DLG2: variants seen among roughly 807,000 people sequenced by gnomAD.
DLG2 encodes the protein discs large MAGUK scaffold protein 2.
DLG2 carries 45 observed loss-of-function variants against 132.5 expected under a neutral mutation model. The ratio of observed to expected loss-of-function variants is 0.34; its 90% confidence interval spans 0.27 to 0.44. The LOEUF is 0.44. Ranked by LOEUF, DLG2 falls within the 20% of genes least tolerant of loss-of-function variation. The pLI is 1.00. For synonymous variants in DLG2, 424 were observed against 419.6 expected (o/e 1.01, Z -0.13); for missense variants, 1,045 against 1,196.9 (o/e 0.87, Z 1.87).
intron 3 of DLG2, among the ~76,000 whole-genome samples, chr11:85,556,883 A>G (rs1300041163): frequency 1.3e-5 from 2 of 151,900 alleles, no homozygotes; most frequent in Non-Finnish European, 2.9e-5. Context: ...AATATATGTC[A>G]TTAGATGATT....
chr11:84,843,190 G>A (rs1326905281), intron 6 of DLG2, among the ~76,000 whole-genome samples: 1 of 151,742 alleles, frequency 6.6e-6, no homozygotes, highest in Non-Finnish European at 1.5e-5. Context: ...CTTGATTATG[G>A]TGATGGTTTC....
At chr11:85,542,055 A>G (rs2076006626) in intron 3 of DLG2, among the ~76,000 whole-genome samples, 1 of 152,226 alleles carries the variant, frequency 6.6e-6, no homozygotes, top group Admixed American at 6.5e-5. Flanking sequence ...TTTATTTACA[A>G]CAACTCCAGA....
At chr11:85,487,862 A>G in intron 3 of DLG2, among the ~76,000 whole-genome samples, 1 of 152,184 alleles carries the variant, frequency 6.6e-6, no homozygotes, top group Non-Finnish European at 1.5e-5. Context: ...GCACATTATA[A>G]TCAGACTGTC....
intron 22 of DLG2, among the ~76,000 whole-genome samples, chr11:83,479,757 A>T (rs2092947333): frequency 6.6e-6 from 1 of 152,126 alleles, no homozygotes; most frequent in African/African-American, 2.4e-5. Context: ...ATCTAAGAAG[A>T]CTTGGTCACA....
At chr11:84,403,111 C>T (rs1353719090) in intron 7 of DLG2, among the ~76,000 whole-genome samples, 1 of 151,916 alleles carries the variant, frequency 6.6e-6, no homozygotes, top group Non-Finnish European at 1.5e-5. Context: ...AAGATATCCT[C>T]TATCAGTAGG....
At chr11:84,918,171 G>GA (rs1322966619) in intron 6 of DLG2, among the ~76,000 whole-genome samples, 9 of 152,010 alleles carry the variant, frequency 5.9e-5, no homozygotes, top group African/African-American at 1.7e-4. Context: ...AAACTGTAAG[G>GA]AAAAAATCAA....
At chr11:83,675,959 A>G (rs1264947548) in intron 18 of DLG2, among the ~76,000 whole-genome samples, 3 of 152,174 alleles carry the variant, frequency 2.0e-5, no homozygotes, top group East Asian at 1.9e-4. Context: ...ACATTTGTAC[A>G]TTATGTATTG....
intron 18 of DLG2, among the ~76,000 whole-genome samples, chr11:83,692,520 T>C (rs2081166331): frequency 1.3e-5 from 2 of 152,120 alleles, no homozygotes; most frequent in Admixed American, 1.3e-4. Flanking sequence ...CTAATAGTTA[T>C]GGGGTTTCTT....
intron 6 of DLG2, among the ~76,000 whole-genome samples, chr11:84,904,254 C>T (rs1201075775): frequency 2.0e-5 from 3 of 152,258 alleles, no homozygotes; most frequent in Admixed American, 2.0e-4. Context: ...TATATTCTAC[C>T]TACTGTGTAA....
At chr11:83,938,081 G>T (rs1347357292) in intron 14 of DLG2, among the ~76,000 whole-genome samples, 1 of 152,178 alleles carries the variant, frequency 6.6e-6, no homozygotes, top group Non-Finnish European at 1.5e-5. Context: ...AAAATGTCCA[G>T]CAAAAGAAGG....
chr11:85,267,771 T>C (rs2077303420), intron 4 of DLG2, among the ~76,000 whole-genome samples: 1 of 152,216 alleles, frequency 6.6e-6, no homozygotes, highest in African/African-American at 2.4e-5. Context: ...AAGGAAATCA[T>C]ATTTAAAATA....
chr11:83,780,580 A>C (rs189003451), intron 18 of DLG2, among the ~76,000 whole-genome samples: 1 of 152,148 alleles, frequency 6.6e-6, no homozygotes, highest in African/African-American at 2.4e-5. Flanking sequence ...CTTCATCCCA[A>C]CTCACTGCTT....
At position 83,782,475 on chromosome 11, in the gene DLG2, T is replaced by C. The variant is rs144382725; in HGVS notation, c.1825+4215A>G. Among the ~76,000 whole-genome samples, 69 of 152,230 alleles carry C rather than the reference T, an allele frequency of 4.5e-4. No individual in the cohort carries two copies. In the East Asian group the frequency reaches 0.013, roughly 29 times the overall value. On this transcript the variant is annotated intron_variant, in intron 18 of 27. Coordinates refer to ENST00000376104, the MANE Select transcript of DLG2 (RefSeq NM_001142699.3). Reference sequence around the variant, plus strand: ...CTGTCATAATGGGCACACCAGGTGTTTACATACAGTTTTGGGGAACTCAGA... The same window carrying C: ...CTGTCATAATGGGCACACCAGGTGTCTACATACAGTTTTGGGGAACTCAGA...
chr11:83,614,650 G>T (rs1029439489), intron 19 of DLG2, among the ~76,000 whole-genome samples: 1 of 152,060 alleles, frequency 6.6e-6, no homozygotes, highest in Non-Finnish European at 1.5e-5. Flanking sequence ...GCCTGGGGAG[G>T]TTGAGGCTGC....
intron 8 of DLG2, among the ~76,000 whole-genome samples, chr11:84,172,454 C>T (rs992277721): frequency 3.3e-5 from 5 of 151,902 alleles, no homozygotes; most frequent in South Asian, 4.1e-4. Flanking sequence ...CCGAGCTCAG[C>T]GAATGCTAAA....
intron 8 of DLG2, among the ~76,000 whole-genome samples, chr11:84,188,105 C>T (rs1428687237): frequency 1.3e-5 from 2 of 152,044 alleles, no homozygotes; most frequent in African/African-American, 4.8e-5. Context: ...GCAAAGTGGT[C>T]TTATGAAAAA....
At chr11:83,994,979 ATTTTTT>A (rs67876577) in intron 11 of DLG2, among the ~76,000 whole-genome samples, 1 of 136,286 alleles carries the variant, frequency 7.3e-6, no homozygotes, top group African/African-American at 2.7e-5. Context: ...TTCTGTGTCC[ATTTTTT>A]TTTTTTTTTT....
At chr11:84,271,765 C>T (rs763467417) in intron 7 of DLG2, among the ~76,000 whole-genome samples, 8 of 151,880 alleles carry the variant, frequency 5.3e-5, no homozygotes, top group Non-Finnish European at 7.4e-5. Flanking sequence ...TTCACATTTA[C>T]CCCAAAAGTA....
chr11:84,762,353 A>G (rs971263553), intron 6 of DLG2, among the ~76,000 whole-genome samples: 4 of 152,196 alleles, frequency 2.6e-5, no homozygotes, highest in South Asian at 2.1e-4. Flanking sequence ...TCAATAAAAA[A>G]TTATTCTATT....
Sources: gnomAD v4.1 joint callset for allele counts (sites outside exome capture counted in the v4.1 genomes callset) on GRCh38, gnomAD v4.1.1 for gene constraint, MANE v1.5 for transcripts, NCBI Gene and HGNC (gene_info 2026-07-23, HGNC 2026-07-21) for gene names.